Variants in PTCHD4 observed in about 807,000 individuals in gnomAD.
PTCHD4 encodes patched domain-containing protein 4.
In PTCHD4, 33 loss-of-function variants were observed where a neutral mutation model predicts 58.1. The ratio of observed to expected loss-of-function variants is 0.57; its 90% CI spans 0.43 to 0.76. The LOEUF is 0.76. Ranked by LOEUF, PTCHD4 falls within the 30% of genes least tolerant of loss-of-function variation. The probability of loss-of-function intolerance (pLI) is 0.00; values close to 1 mark genes in which losing one functional copy is unlikely to be tolerated. For missense variants in PTCHD4, 1,058 were observed against 1,027.1 expected, an observed-to-expected ratio of 1.03 and a Z score of -0.41; for synonymous variants, 478 against 409.6, an observed-to-expected ratio of 1.17 and a Z score of -2.02.
rs1307645823 is a variant in PTCHD4 at position 48,069,180 on chromosome 6, G to A, written c.-223C>T. 1.7e-5 allele frequency among the ~76,000 whole-genome samples: 2 copies of A among 121,108 alleles called. No homozygotes were observed. The highest frequency in any genetic ancestry group is 3.4e-5 in the Non-Finnish European group (2 of 58,158). The allele number at this position is 121,108 out of a possible 152,430, so 79.5% of individuals were successfully genotyped here. A position where few individuals can be genotyped will look rare whatever the true frequency, so the allele number is the denominator to read the frequency against. On this transcript the variant is annotated 5_prime_UTR_variant, in exon 2 of 5. Coordinates refer to ENST00000339488, the MANE Select transcript of PTCHD4 (RefSeq NM_001384253.1). Reference sequence around the variant, plus strand: ...AGGGGGGGAGAGGAGGGAGAAGGGCGGGAGCACGTTGGGGGTGGGGGGGCA... The same window carrying A: ...AGGGGGGGAGAGGAGGGAGAAGGGCAGGAGCACGTTGGGGGTGGGGGGGCA...
At position 47,868,886 on chromosome 6, in the gene PTCHD4, A is replaced by G. The variant is rs918090633; in HGVS notation, c.*9417T>C. On this transcript the variant is annotated 3_prime_UTR_variant, in exon 5 of 5. Coordinates refer to ENST00000339488, the MANE Select transcript of PTCHD4 (RefSeq NM_001384253.1). ...TTAAAATACTAAATTTGGACAGGAAAATGGCTATTGAATAAGTCCAAACAT... is the reference window on the plus strand; with the variant it reads ...TTAAAATACTAAATTTGGACAGGAAGATGGCTATTGAATAAGTCCAAACAT... Among the ~76,000 whole-genome samples, 5 of 151,750 alleles carry G rather than the reference A, an allele frequency of 3.3e-5. No individual in the cohort carries two copies. Among genetic ancestry groups the G allele is most frequent in the Non-Finnish European group, 7.4e-5 (5 of 67,804 alleles).
intron 4 of PTCHD4, among the ~76,000 whole-genome samples, chr6:47,953,849 G>A (rs912344267): frequency 6.6e-6 from 1 of 152,042 alleles, no homozygotes; most frequent in African/African-American, 2.4e-5. Flanking sequence ...TGAACTGCAG[G>A]AACAAATGCT....
At chr6:48,052,013 C>T (rs1458477896) in intron 3 of PTCHD4, among the ~76,000 whole-genome samples, 2 of 151,956 alleles carry the variant, frequency 1.3e-5, no homozygotes, top group African/African-American at 4.8e-5. Flanking sequence ...AAAAAGAAAG[C>T]CTGTGACTTA....
At chr6:48,070,974 A>G (rs1562039408) in intron 1 of PTCHD4, among the ~76,000 whole-genome samples, 1 of 152,212 alleles carries the variant, frequency 6.6e-6, no homozygotes, top group Non-Finnish European at 1.5e-5. Context: ...GCAGTAATAG[A>G]TTTTAGAAAT....
At chr6:48,012,409 T>G (rs1458595109) in intron 3 of PTCHD4, among the ~76,000 whole-genome samples, 1 of 152,224 alleles carries the variant, frequency 6.6e-6, no homozygotes, top group Non-Finnish European at 1.5e-5. Flanking sequence ...TTGTGATTTT[T>G]TGCACATTGA....
At chr6:48,019,641 C>T (rs1006417967) in intron 3 of PTCHD4, among the ~76,000 whole-genome samples, 1 of 151,350 alleles carries the variant, frequency 6.6e-6, no homozygotes, top group African/African-American at 2.4e-5. Context: ...GAGGCTGAGG[C>T]AGGAGAATGG....
intron 4 of PTCHD4, among the ~76,000 whole-genome samples, chr6:47,915,308 T>C (rs1765210230): frequency 6.6e-6 from 1 of 152,188 alleles, no homozygotes; most frequent in South Asian, 2.1e-4. Flanking sequence ...TGTTGATTTA[T>C]GTATTAGGTT....
At chr6:48,093,031 C>A (rs1765397351) in intron 1 of PTCHD4, among the ~76,000 whole-genome samples, 1 of 152,168 alleles carries the variant, frequency 6.6e-6, no homozygotes, top group Admixed American at 6.5e-5. Flanking sequence ...CTGGGGATGC[C>A]ACTGACAGCA....
rs774603804 is a variant in PTCHD4, at chr6:47,878,547, A to T, written c.2288T>A (p.Phe763Tyr). The T allele has an allele frequency of 6.2e-7, 1 of 1,613,508 alleles. No homozygotes were observed. Among genetic ancestry groups the T allele is most frequent in the South Asian group, 1.1e-5 (1 of 91,072 alleles). ...TAGAAGGGGGACTAACCCAATAAGA[A>T]AAGAAGTAACATTTTGCAAAATGGC... ...GTAILQNVTS[F>Y]LIGLVPLLFV... The change falls in exon 5 of 5, where the codon TTT becomes TAT. Residue 763 changes from phenylalanine (F) to tyrosine (Y), a missense_variant. By Grantham distance (22) the Phe-to-Tyr change is conservative. Coordinates refer to ENST00000339488, the MANE Select transcript of PTCHD4 (RefSeq NM_001384253.1).
At chr6:48,020,840 A>G (rs946531296) in intron 3 of PTCHD4, among the ~76,000 whole-genome samples, 2 of 152,144 alleles carry the variant, frequency 1.3e-5, no homozygotes. Flanking sequence ...TTCAAGGGAA[A>G]TACATTGGCT....
At chr6:48,088,918 G>T (rs752962602) in intron 1 of PTCHD4, among the ~76,000 whole-genome samples, 2 of 152,084 alleles carry the variant, frequency 1.3e-5, no homozygotes, top group African/African-American at 4.8e-5. Flanking sequence ...GGTGGCGGGC[G>T]CCTGTAATGC....
intron 4 of PTCHD4, among the ~76,000 whole-genome samples, chr6:47,897,945 T>TTC (rs1764577031): frequency 7.3e-6 from 1 of 137,560 alleles, no homozygotes; most frequent in Non-Finnish European, 1.6e-5. Context: ...TCTTTCTTTT[T>TTC]TTTTTTTTTT....
chr6:47,986,599 A>C (rs1343758150), intron 4 of PTCHD4, among the ~76,000 whole-genome samples: 1 of 152,172 alleles, frequency 6.6e-6, no homozygotes, highest in African/African-American at 2.4e-5. Flanking sequence ...ACCTGTCTTC[A>C]ACTGCTTTAT....
intron 4 of PTCHD4, among the ~76,000 whole-genome samples, chr6:47,902,204 A>G (rs1168544726): frequency 2.0e-5 from 3 of 152,238 alleles, no homozygotes; most frequent in Non-Finnish European, 4.4e-5. Context: ...ATACACATCA[A>G]TATTTCTTTT....
chr6:47,922,345 C>T (rs1765461820), intron 4 of PTCHD4, among the ~76,000 whole-genome samples: 1 of 152,196 alleles, frequency 6.6e-6, no homozygotes, highest in African/African-American at 2.4e-5. Flanking sequence ...TCACTCCTCT[C>T]TGACTCTTTC....
chr6:48,028,252 T>C (rs1411928505), intron 3 of PTCHD4, among the ~76,000 whole-genome samples: 1 of 145,928 alleles, frequency 6.9e-6, no homozygotes, highest in Admixed American at 6.7e-5. Context: ...CTAGGATGTT[T>C]CTCTTTTGTT....
chr6:48,063,139 G>T (rs1294793274), intron 3 of PTCHD4, among the ~76,000 whole-genome samples: 3 of 152,098 alleles, frequency 2.0e-5, no homozygotes, highest in African/African-American at 7.2e-5. Flanking sequence ...TAAGCCACTG[G>T]CTCAAAACTT....
At chr6:47,891,158 G>A (rs370854482) in intron 4 of PTCHD4, among the ~76,000 whole-genome samples, 1 of 149,288 alleles carries the variant, frequency 6.7e-6, no homozygotes, top group Admixed American at 6.7e-5. Flanking sequence ...GGAGGTGGAG[G>A]TTGCAGTGAG....
intron 3 of PTCHD4, among the ~76,000 whole-genome samples, chr6:48,065,978 A>G (rs1764782204): frequency 6.6e-6 from 1 of 152,120 alleles, no homozygotes; most frequent in South Asian, 2.1e-4. Flanking sequence ...CAACCACCAA[A>G]CAGCATAAAT....
Sources: allele counts gnomAD v4.1 joint callset (sites outside exome capture counted in the v4.1 genomes callset), GRCh38; gene constraint gnomAD v4.1.1; transcripts MANE v1.5; gene names NCBI Gene and HGNC (gene_info 2026-07-23, HGNC 2026-07-21).